GRAMD1B: variants seen among roughly 807,000 people sequenced by gnomAD.
GRAMD1B encodes the protein GRAM domain containing 1B.
In GRAMD1B, 37 loss-of-function variants were observed where a neutral mutation model predicts 99.7. The observed-to-expected ratio is 0.37, with a 90% confidence interval of 0.29 to 0.49. GRAMD1B has a LOEUF of 0.49. Ranked by LOEUF, GRAMD1B falls within the 20% of genes least tolerant of loss-of-function variation. The pLI is 0.98. For missense variants in GRAMD1B, 888 were observed against 1,009.2 expected, an observed-to-expected ratio of 0.88 and a Z score of 1.63; for synonymous variants, 427 against 387.6, an observed-to-expected ratio of 1.10 and a Z score of -1.19.
intron 1 of GRAMD1B, among the ~76,000 whole-genome samples, chr11:123,403,327 T>G (rs1947733626): frequency 6.6e-6 from 1 of 151,514 alleles, no homozygotes; most frequent in African/African-American, 2.4e-5. Flanking sequence ...CTCAGGAGGC[T>G]GAGGCAGGAG....
At chr11:123,558,031 T>C (rs1370682765) in intron 2 of GRAMD1B, among the ~76,000 whole-genome samples, 2 of 146,236 alleles carry the variant, frequency 1.4e-5, no homozygotes, top group Non-Finnish European at 3.0e-5. Flanking sequence ...TCGCCCAGGC[T>C]GGAGTGCAGT....
chr11:123,397,992 A>G (rs1947528108), intron 1 of GRAMD1B, among the ~76,000 whole-genome samples: 1 of 152,108 alleles, frequency 6.6e-6, no homozygotes, highest in Non-Finnish European at 1.5e-5. Flanking sequence ...CTGTAGACGG[A>G]CTTTTGGATT....
intron 2 of GRAMD1B, among the ~76,000 whole-genome samples, chr11:123,485,223 C>A (rs1951825009): frequency 6.6e-6 from 1 of 152,066 alleles, no homozygotes; most frequent in Non-Finnish European, 1.5e-5. Context: ...TTTCATAGAG[C>A]AGGCAAAAAA....
At chr11:123,499,448 C>T (rs1324017661) in intron 2 of GRAMD1B, among the ~76,000 whole-genome samples, 1 of 152,330 alleles carries the variant, frequency 6.6e-6, no homozygotes, top group Middle Eastern at 3.4e-3. Flanking sequence ...TTCTGTGTCC[C>T]TTACCTGTCT....
chr11:123,434,803 T>C (rs1425612173), intron 1 of GRAMD1B, among the ~76,000 whole-genome samples: 1 of 152,158 alleles, frequency 6.6e-6, no homozygotes, highest in Non-Finnish European at 1.5e-5. Flanking sequence ...GAAAATAGAA[T>C]TGGCATTTAG....
At chr11:123,530,589 C>T (rs1442381145) in intron 2 of GRAMD1B, among the ~76,000 whole-genome samples, 1 of 152,168 alleles carries the variant, frequency 6.6e-6, no homozygotes, top group Non-Finnish European at 1.5e-5. Flanking sequence ...CCATGTTGGC[C>T]AGGCTGGTCT....
intron 12 of GRAMD1B, 148 bp from the exon 13 acceptor site, chr11:123,609,647 T>A: frequency 3.5e-6 from 2 of 568,006 alleles, no homozygotes; most frequent in East Asian, 3.1e-5. Flanking sequence ...CTTCCCACCC[T>A]CCCCCCGGCC....
chr11:123,507,499 T>C (rs1054864707), intron 2 of GRAMD1B, among the ~76,000 whole-genome samples: 1 of 152,194 alleles, frequency 6.6e-6, no homozygotes, highest in Non-Finnish European at 1.5e-5. Flanking sequence ...GAATTGTTTA[T>C]TGTGGCTGGA....
chr11:123,375,564 A>G (rs1427697625), intron 1 of GRAMD1B, among the ~76,000 whole-genome samples: 2 of 152,224 alleles, frequency 1.3e-5, no homozygotes, highest in Non-Finnish European at 2.9e-5. Flanking sequence ...CCAAGAAGTC[A>G]TTTAAAAGAT....
chr11:123,621,287 G>A (rs1955088441), intron 19 of GRAMD1B, among the ~76,000 whole-genome samples: 1 of 152,150 alleles, frequency 6.6e-6, no homozygotes, highest in Admixed American at 6.5e-5. Flanking sequence ...ATGTAAATAT[G>A]TGAATATTTA....
At chr11:123,403,445 GATGATAATA>G (rs1490375594) in intron 1 of GRAMD1B, among the ~76,000 whole-genome samples, 4 of 123,864 alleles carry the variant, frequency 3.2e-5, no homozygotes, top group African/African-American at 1.5e-4. Context: ...TGATGATGAT[GATGATAATA>G]ATAATAATAA....
chr11:123,473,349 C>A (rs1951107899), intron 1 of GRAMD1B, among the ~76,000 whole-genome samples: 1 of 152,220 alleles, frequency 6.6e-6, no homozygotes, highest in East Asian at 1.9e-4. Context: ...CAGGCGTGAG[C>A]CACCGTGCCC....
At chr11:123,443,454 A>G (rs1018903758) in intron 1 of GRAMD1B, among the ~76,000 whole-genome samples, 14 of 152,376 alleles carry the variant, frequency 9.2e-5, no homozygotes, top group African/African-American at 3.4e-4. Flanking sequence ...AGGGTGATGT[A>G]AGACAATAAT....
intron 4 of GRAMD1B, among the ~76,000 whole-genome samples, chr11:123,589,715 G>A (rs1315431487): frequency 2.0e-5 from 3 of 151,362 alleles, no homozygotes; most frequent in Non-Finnish European, 4.4e-5. Context: ...GTCCGAATTG[G>A]CTTCCCAAAG....
chr11:123,517,787 G>C (rs116779150), intron 2 of GRAMD1B, among the ~76,000 whole-genome samples: 1 of 152,116 alleles, frequency 6.6e-6, no homozygotes, highest in Non-Finnish European at 1.5e-5. Context: ...ATGAGTTAAC[G>C]CTCAATTCAT....
chr11:123,374,027 G>A (rs545344537), intron 1 of GRAMD1B, among the ~76,000 whole-genome samples: 1 of 152,188 alleles, frequency 6.6e-6, no homozygotes, highest in Non-Finnish European at 1.5e-5. Flanking sequence ...CATGCTAGCC[G>A]TGTAGAGAAA....
At chr11:123,594,616 G>T in intron 5 of GRAMD1B, 119 bp from the exon 6 acceptor site, 1 of 659,596 alleles carries the variant, frequency 1.5e-6, no homozygotes, top group South Asian at 1.8e-5. Context: ...GGCACCCCTT[G>T]TCCGTGGTGG....
rs775008582 is a variant in GRAMD1B at position 123,571,347 on chromosome 11, G to A, written c.453-6020G>A. On this transcript the variant is annotated intron_variant, in intron 2 of 19. Coordinates refer to ENST00000635736, the MANE Select transcript of GRAMD1B (RefSeq NM_001387025.1). ...AGCGGCCACCGTGTCTGCAGTGGGC[G>A]TGGGGGGTGAGGGTGGGGGCAGGGA... is the stretch of plus-strand genomic sequence containing the variant. 2.0e-5 allele frequency among the ~76,000 whole-genome samples: 3 copies of A among 152,204 alleles called. 1 individual carries two copies. Among genetic ancestry groups the A allele is most frequent in the South Asian group, 4.1e-4 (2 of 4,828 alleles).
At chr11:123,412,718 A>G (rs1265035128) in intron 1 of GRAMD1B, among the ~76,000 whole-genome samples, 3 of 152,220 alleles carry the variant, frequency 2.0e-5, no homozygotes, top group African/African-American at 7.2e-5. Context: ...GTCTGATTTC[A>G]TATTTTAAGC....
Sources: gnomAD v4.1 joint callset for allele counts (sites outside exome capture counted in the v4.1 genomes callset) on GRCh38, gnomAD v4.1.1 for gene constraint, MANE v1.5 for transcripts, NCBI Gene and HGNC (gene_info 2026-07-23, HGNC 2026-07-21) for gene names.